Variants in KCNH8 observed in about 807,000 individuals in gnomAD.
The protein encoded by KCNH8 is voltage-gated delayed rectifier potassium channel KCNH8.
A neutral mutation model predicts 103.6 loss-of-function variants in KCNH8; 70 were observed. The observed-to-expected ratio is 0.68, with a 90% CI of 0.56 to 0.82. KCNH8 has a LOEUF of 0.82. Among genes scored for constraint, KCNH8 ranks in the 40% least tolerant of loss-of-function variants. The pLI, the probability that KCNH8 is intolerant of heterozygous loss-of-function variation, is 0.00. For missense variants in KCNH8, 1,217 were observed against 1,329.9 expected, an observed-to-expected ratio of 0.92 and a Z score of 1.32; for synonymous variants, 498 against 489.4, an observed-to-expected ratio of 1.02 and a Z score of -0.23.
chr3:19,482,454 T>C (rs1261089045), intron 11 of KCNH8, among the ~76,000 whole-genome samples: 1 of 152,234 alleles, frequency 6.6e-6, no homozygotes, highest in Non-Finnish European at 1.5e-5. Context: ...CTATGTCTTT[T>C]TGCAAGACAG....
intron 11 of KCNH8, among the ~76,000 whole-genome samples, chr3:19,496,606 T>C (rs2068446756): frequency 6.6e-6 from 1 of 152,146 alleles, no homozygotes. Context: ...AGTATTTTGT[T>C]GAGGATTTTT....
At chr3:19,353,045 AG>A (rs1359583022) in intron 5 of KCNH8, among the ~76,000 whole-genome samples, 1 of 152,196 alleles carries the variant, frequency 6.6e-6, no homozygotes, top group Non-Finnish European at 1.5e-5. Context: ...AAAATGATAA[AG>A]GGGATATCAT....
chr3:19,346,590 C>T, intron 4 of KCNH8: 1 of 456,068 alleles, frequency 2.2e-6, no homozygotes. Flanking sequence ...TATTCAATCA[C>T]TGACAGTCAC....
chr3:19,295,090 A>G (rs1257193528), intron 3 of KCNH8, among the ~76,000 whole-genome samples: 2 of 152,146 alleles, frequency 1.3e-5, no homozygotes, highest in Non-Finnish European at 2.9e-5. Flanking sequence ...CCAGGCAAAT[A>G]TGGTATTAAG....
chr3:19,298,461 A>G (rs2065022417), intron 3 of KCNH8, among the ~76,000 whole-genome samples: 2 of 152,242 alleles, frequency 1.3e-5, no homozygotes, highest in Admixed American at 1.3e-4. Flanking sequence ...TAATCCATCC[A>G]CTGTGGGTTA....
intron 7 of KCNH8, among the ~76,000 whole-genome samples, chr3:19,436,710 C>A (rs961776072): frequency 6.6e-6 from 1 of 152,142 alleles, no homozygotes; most frequent in Non-Finnish European, 1.5e-5. Context: ...CCCTGAAACA[C>A]TTCAGAGACA....
At chr3:19,360,093 G>A (rs1335907587) in intron 5 of KCNH8, among the ~76,000 whole-genome samples, 1 of 151,956 alleles carries the variant, frequency 6.6e-6, no homozygotes, top group East Asian at 1.9e-4. Context: ...TAAAGATAAG[G>A]ACAGAAATTA....
chr3:19,373,492 T>G (rs1294256255), intron 5 of KCNH8, among the ~76,000 whole-genome samples: 1 of 152,214 alleles, frequency 6.6e-6, no homozygotes, highest in Non-Finnish European at 1.5e-5. Context: ...TCTATTTGAT[T>G]CTTCTCTTTT....
At chr3:19,345,971 C>G (rs78958337) in intron 4 of KCNH8, among the ~76,000 whole-genome samples, 1,695 of 152,076 alleles carry the variant, frequency 0.011, 11 homozygotes, top group Non-Finnish European at 0.018. Flanking sequence ...AAGACAAAAA[C>G]AAAAACTTCA....
intron 1 of KCNH8, among the ~76,000 whole-genome samples, chr3:19,187,338 G>A (rs2063512172): frequency 6.6e-6 from 1 of 151,780 alleles, no homozygotes; most frequent in Admixed American, 6.6e-5. Flanking sequence ...ATATACTTGT[G>A]TACATACATA....
At chr3:19,471,636 G>C (rs1484359951) in intron 11 of KCNH8, among the ~76,000 whole-genome samples, 1 of 152,152 alleles carries the variant, frequency 6.6e-6, no homozygotes, top group Non-Finnish European at 1.5e-5. Flanking sequence ...ATAAGTTTAT[G>C]CTCTAGATAA....
intron 1 of KCNH8, among the ~76,000 whole-genome samples, chr3:19,230,625 A>T (rs1307200932): frequency 6.6e-6 from 1 of 152,204 alleles, no homozygotes; most frequent in African/African-American, 2.4e-5. Flanking sequence ...AAAACTTTGA[A>T]ATAGGTATTT....
At chr3:19,281,161 AT>A in intron 2 of KCNH8, 36 bp from the exon 3 acceptor site, 1 of 1,597,626 alleles carries the variant, frequency 6.3e-7, no homozygotes, top group South Asian at 1.1e-5. Context: ...ACACAAGGCA[AT>A]GGTTGATTTG....
At chr3:19,510,511 T>A in intron 12 of KCNH8, 110 bp downstream of exon 12, 1 of 740,360 alleles carries the variant, frequency 1.4e-6, no homozygotes, top group Non-Finnish European at 2.4e-6. Context: ...TTACTTTCCC[T>A]ACTTGACTTC....
chr3:19,397,085 T>A lies in KCNH8; in HGVS notation c.1177+1774T>A, dbSNP rs558155438. 3.0e-4 allele frequency among the ~76,000 whole-genome samples: 45 copies of A among 152,120 alleles called. 3 individuals are homozygous for A. In the South Asian group the frequency reaches 9.1e-3, roughly 31 times the overall value. On this transcript the variant is annotated intron_variant, in intron 7 of 15. Transcript: ENST00000328405. ...CCAGGCTTGCTGCAGACTTAAAATC[T>A]AGCTGTTGTTTTTCTTCCCACAACA... is the stretch of plus-strand genomic sequence containing the variant.
chr3:19,264,972 C>G (rs962158308), intron 2 of KCNH8, among the ~76,000 whole-genome samples: 15 of 152,002 alleles, frequency 9.9e-5, no homozygotes, highest in African/African-American at 3.4e-4. Flanking sequence ...AGCTTTCCAC[C>G]TAGGAAGCCC....
chr3:19,287,679 G>A lies in KCNH8; in HGVS notation c.442+6350G>A, dbSNP rs144538611. 8.6e-3 allele frequency among the ~76,000 whole-genome samples: 1,306 copies of A among 152,156 alleles called. 9 individuals are homozygous for A. Among genetic ancestry groups the A allele is most frequent in the Middle Eastern group, 0.027 (8 of 292 alleles). ...CGGCTCACTGCAACCTCCACCTCCCGGGTTCAAGTGATTCTCCTGCCTCAG... is the reference window on the plus strand; with the variant it reads ...CGGCTCACTGCAACCTCCACCTCCCAGGTTCAAGTGATTCTCCTGCCTCAG... On this transcript the variant is annotated intron_variant, in intron 3 of 15. Transcript: ENST00000328405.
chr3:19,318,664 C>CGTGTGTGT (rs1559474372), intron 3 of KCNH8, among the ~76,000 whole-genome samples: 714 of 24,350 alleles, frequency 0.029, 5 homozygotes, highest in African/African-American at 0.1. Context: ...TGTGTGTGTA[C>CGTGTGTGT]ACACACACAC....
chr3:19,527,116 T>C (rs2069079004), intron 15 of KCNH8, among the ~76,000 whole-genome samples: 1 of 152,006 alleles, frequency 6.6e-6, no homozygotes, highest in Non-Finnish European at 1.5e-5. Flanking sequence ...ACTTTGGACT[T>C]GAAATACAGG....
Sources: allele counts gnomAD v4.1 joint callset (sites outside exome capture counted in the v4.1 genomes callset), GRCh38; gene constraint gnomAD v4.1.1; transcripts MANE v1.5; gene names NCBI Gene and HGNC (gene_info 2026-07-23, HGNC 2026-07-21).